The following ADAMTS17 variants were observed in gnomAD, a reference collection of about 807,000 sequenced individuals.
ADAMTS17 encodes A disintegrin and metalloproteinase with thrombospondin motifs 17.
A neutral mutation model predicts 141.5 loss-of-function variants in ADAMTS17; 113 were observed. That is an observed-to-expected ratio of 0.80 (90% CI 0.69 to 0.93). The LOEUF (loss-of-function observed/expected upper bound fraction) is 0.93. Ranked by LOEUF, ADAMTS17 falls within the 40% of genes least tolerant of loss-of-function variation. The pLI is 0.00. For missense variants in ADAMTS17, 1,659 were observed against 1,517.9 expected, an observed-to-expected ratio of 1.09 and a Z score of -1.54; for synonymous variants, 768 against 630.6, an observed-to-expected ratio of 1.22 and a Z score of -3.27.
At chr15:100,026,788 G>C (rs2141469285) in intron 18 of ADAMTS17, among the ~76,000 whole-genome samples, 1 of 152,310 alleles carries the variant, frequency 6.6e-6, no homozygotes, top group South Asian at 2.1e-4. Context: ...CTCAGACTTT[G>C]GGGAATGTCT....
chr15:100,024,490 A>G (rs1262664585), intron 18 of ADAMTS17, among the ~76,000 whole-genome samples: 2 of 152,150 alleles, frequency 1.3e-5, no homozygotes, highest in African/African-American at 2.4e-5. Context: ...TGATTTCCAC[A>G]GGGTACAAAT....
chr15:100,102,807 T>C (rs1039869771), intron 14 of ADAMTS17, among the ~76,000 whole-genome samples: 4 of 152,134 alleles, frequency 2.6e-5, no homozygotes, highest in Admixed American at 6.5e-5. Context: ...CTCCCTAACA[T>C]TTTACTTGAC....
At chr15:100,175,781 C>T (rs973177103) in intron 8 of ADAMTS17, among the ~76,000 whole-genome samples, 2 of 152,024 alleles carry the variant, frequency 1.3e-5, no homozygotes, top group African/African-American at 2.4e-5. Flanking sequence ...TGAACGGTGC[C>T]CCCGAGAGTG....
chr15:100,296,981 A>G (rs2044844731), intron 3 of ADAMTS17, among the ~76,000 whole-genome samples: 1 of 152,260 alleles, frequency 6.6e-6, no homozygotes, highest in Non-Finnish European at 1.5e-5. Context: ...TGTGACAGGT[A>G]CTATCAAGAA....
chr15:100,164,146 G>A (rs1288568944), intron 8 of ADAMTS17, among the ~76,000 whole-genome samples: 1 of 152,096 alleles, frequency 6.6e-6, no homozygotes, highest in East Asian at 1.9e-4. Context: ...GCACTCCAGG[G>A]ACACGTGCAT....
intron 20 of ADAMTS17, among the ~76,000 whole-genome samples, chr15:99,991,090 C>A (rs558559799): frequency 2.6e-5 from 4 of 152,280 alleles, no homozygotes; most frequent in Admixed American, 6.5e-5. Flanking sequence ...CTAGGCAATA[C>A]CACTCAGGAC....
chr15:100,277,644 A>G (rs1055353803), intron 4 of ADAMTS17, among the ~76,000 whole-genome samples: 3 of 152,208 alleles, frequency 2.0e-5, no homozygotes, highest in Non-Finnish European at 4.4e-5. Flanking sequence ...GCAGCCCGTC[A>G]TTAACCGGCC....
intron 18 of ADAMTS17, among the ~76,000 whole-genome samples, chr15:100,001,171 A>T (rs951433523): frequency 2.6e-5 from 4 of 152,298 alleles, no homozygotes; most frequent in African/African-American, 9.6e-5. Flanking sequence ...AGCTCTCCCC[A>T]GGGTGAGAAT....
At chr15:100,152,784 T>G (rs1384540476) in intron 9 of ADAMTS17, 22 bp from the exon 10 acceptor site, 75 of 1,613,966 alleles carry the variant, frequency 4.6e-5, no homozygotes, top group Non-Finnish European at 6.4e-5. Flanking sequence ...GAGAGGCAAG[T>G]TGACTTGCAA....
At chr15:100,216,202 G>A (rs12901204) in intron 7 of ADAMTS17, among the ~76,000 whole-genome samples, 38,539 of 152,154 alleles carry the variant, frequency 0.25, 5,320 homozygotes, top group Middle Eastern at 0.37. Flanking sequence ...AATAATGAGA[G>A]AAGAAGCAAT....
At chr15:100,267,880 A>G (rs569854456) in intron 4 of ADAMTS17, among the ~76,000 whole-genome samples, 5 of 152,366 alleles carry the variant, frequency 3.3e-5, no homozygotes, top group African/African-American at 1.2e-4. Context: ...CTTACAGACA[A>G]TACATTTACA....
Position 100,324,996 on chromosome 15 carries a change from C to A in ADAMTS17, c.616+5893G>T, listed in dbSNP as rs989414902. ...AGAGTGTAACTGAATAGCTGACCAGCCAACGATGGTGTCTATTGTTACAGA... is the reference window on the plus strand; with the variant it reads ...AGAGTGTAACTGAATAGCTGACCAGACAACGATGGTGTCTATTGTTACAGA... On this transcript the variant is annotated intron_variant, in intron 3 of 21. Transcript: ENST00000268070. Among the ~76,000 whole-genome samples the A allele has an allele frequency of 6.6e-5, 10 of 152,314 alleles. No homozygotes were observed. In the South Asian group the frequency reaches 1.2e-3, roughly 19 times the overall value.
intron 7 of ADAMTS17, among the ~76,000 whole-genome samples, chr15:100,206,819 G>C (rs2041587371): frequency 6.6e-6 from 1 of 152,190 alleles, no homozygotes; most frequent in African/African-American, 2.4e-5. Context: ...TCCTGACTCA[G>C]CCTTCCCAAG....
chr15:100,012,254 T>C (rs1381476966), intron 18 of ADAMTS17, among the ~76,000 whole-genome samples: 2 of 152,326 alleles, frequency 1.3e-5, no homozygotes, highest in Non-Finnish European at 2.9e-5. Flanking sequence ...TTTATTCTTA[T>C]TGTTTTGAGT....
intron 7 of ADAMTS17, among the ~76,000 whole-genome samples, chr15:100,220,149 C>G (rs1482175792): frequency 3.3e-5 from 5 of 152,140 alleles, no homozygotes; most frequent in East Asian, 3.9e-4. Context: ...AAAGTCTGGC[C>G]TTAGACACTC....
intron 3 of ADAMTS17, among the ~76,000 whole-genome samples, chr15:100,285,121 G>A (rs1465610180): frequency 6.6e-6 from 1 of 152,208 alleles, no homozygotes; most frequent in Non-Finnish European, 1.5e-5. Flanking sequence ...AAAATTTTCA[G>A]TCTCTGGCTT....
chr15:100,089,717 C>T lies in ADAMTS17; in HGVS notation c.2137+6639G>A, dbSNP rs1181322231. Among the ~76,000 whole-genome samples, 5 of 151,356 alleles carry T rather than the reference C, an allele frequency of 3.3e-5. No homozygotes were observed. In the Admixed American group the frequency reaches 3.3e-4, roughly 10 times the overall value. On this transcript the variant is annotated intron_variant, in intron 15 of 21. Transcript: ENST00000268070. ...TGAAGCTGGAAACCATCATTCTCAA[C>T]AAACTATCACAAGGACAAAAAACCA...
intron 7 of ADAMTS17, among the ~76,000 whole-genome samples, chr15:100,241,127 C>G (rs991098581): frequency 6.6e-6 from 1 of 151,268 alleles, no homozygotes; most frequent in Non-Finnish European, 1.5e-5. Flanking sequence ...CCTGGCCTAT[C>G]TGGCTTTTTT....
Position 100,046,364 on chromosome 15 carries a change from G to A in ADAMTS17, c.2591+2493C>T, listed in dbSNP as rs145496730. On this transcript the variant is annotated intron_variant, in intron 18 of 21. Coordinates refer to ENST00000268070, the MANE Select transcript of ADAMTS17 (RefSeq NM_139057.4). ...GCGTACTGTGAGAGGTGGAAAAGGC[G>A]GAGTAGACTGGCCCACTCTGCCACA... 2.3e-3 allele frequency among the ~76,000 whole-genome samples: 353 copies of A among 152,240 alleles called. 1 individual carries two copies. Among genetic ancestry groups the A allele is most frequent in the African/African-American group, 8.2e-3 (339 of 41,540 alleles).
Sources: allele counts gnomAD v4.1 joint callset (sites outside exome capture counted in the v4.1 genomes callset), GRCh38; gene constraint gnomAD v4.1.1; transcripts MANE v1.5; gene names NCBI Gene and HGNC (gene_info 2026-07-23, HGNC 2026-07-21).